The following ACTN1 variants were observed in gnomAD, a reference collection of about 807,000 sequenced individuals.
The protein encoded by ACTN1 is actinin alpha 1, also known as alpha-actinin-1.
In ACTN1, 30 loss-of-function variants were observed where a neutral mutation model predicts 119.6. The observed-to-expected ratio is 0.25, with a 90% CI of 0.19 to 0.34. ACTN1 has a LOEUF of 0.34. Ranked by LOEUF, ACTN1 falls within the 10% of genes least tolerant of loss-of-function variation. The probability of loss-of-function intolerance (pLI) is 1.00; values close to 1 mark genes in which losing one functional copy is unlikely to be tolerated. For missense variants in ACTN1, 764 were observed against 1,223.4 expected, an observed-to-expected ratio of 0.62 and a Z score of 5.60; for synonymous variants, 429 against 472.6, an observed-to-expected ratio of 0.91 and a Z score of 1.20.
chr14:68,884,577 G>A (rs943124460), intron 13 of ACTN1, among the ~76,000 whole-genome samples, 198 bp downstream of exon 13: 3 of 152,244 alleles, frequency 2.0e-5, no homozygotes, highest in African/African-American at 7.2e-5. Context: ...GACATGTGAG[G>A]GCAAGAGAGG....
intron 1 of ACTN1, among the ~76,000 whole-genome samples, chr14:68,953,275 T>G (rs1347977286): frequency 6.6e-6 from 1 of 152,202 alleles, no homozygotes; most frequent in Non-Finnish European, 1.5e-5. Context: ...GTTGTTTCCC[T>G]GTCCTGAAAG....
chr14:68,967,557 T>C (rs1014887063), intron 1 of ACTN1, among the ~76,000 whole-genome samples: 3 of 152,140 alleles, frequency 2.0e-5, no homozygotes, highest in African/African-American at 7.2e-5. Flanking sequence ...ATCCTCTAAA[T>C]GTCTTTAGAG....
At chr14:68,875,469 C>G (rs936062059) in intron 21 of ACTN1, among the ~76,000 whole-genome samples, 2 of 152,274 alleles carry the variant, frequency 1.3e-5, no homozygotes, top group African/African-American at 4.8e-5. Context: ...AGAACACCAT[C>G]CATGTTTGGG....
rs962006731 is a variant in ACTN1, at chr14:68,882,256, C to G, written c.1953+202G>C. On this transcript the variant is annotated intron_variant, in intron 16 of 21. Coordinates refer to ENST00000394419, the MANE Select transcript of ACTN1 (RefSeq NM_001130004.2). This position sits in a 1 kb window ranked among gnomAD's most constrained non-coding sequence, Gnocchi z 4.5. ...GCTTCTTAGTGGTGTCCTCATATGT[C>G]TTTGCTCCCAAATCAGATACTGCCA... 6.6e-6 allele frequency among the ~76,000 whole-genome samples: 1 copy of G among 152,152 alleles called. No homozygotes were observed. Among genetic ancestry groups the G allele is most frequent in the Non-Finnish European group, 1.5e-5 (1 of 68,032 alleles).
chr14:68,934,566 A>G (rs2035395405), intron 1 of ACTN1, among the ~76,000 whole-genome samples: 1 of 152,244 alleles, frequency 6.6e-6, no homozygotes, highest in Non-Finnish European at 1.5e-5. Context: ...GTGAACTAAG[A>G]TGGGCACCAG....
chr14:68,971,798 G>A (rs1175813951), intron 1 of ACTN1, among the ~76,000 whole-genome samples: 2 of 152,214 alleles, frequency 1.3e-5, no homozygotes, highest in Non-Finnish European at 2.9e-5. Context: ...GTAGCCTGCT[G>A]TAGCCAAGGA....
At position 68,893,798 on chromosome 14, in the gene ACTN1, C is replaced by T. The variant is rs112770014; in HGVS notation, c.763-51G>A. The T allele has an allele frequency of 2.2e-5, 34 of 1,566,738 alleles. No homozygotes were observed. In the African/African-American group the frequency reaches 2.7e-4, roughly 12 times the overall value. Reference sequence around the variant, plus strand: ...GACCAGCCAGCCCCAGCAGCAGGGGCACCTGGTACACACCTGTGCTGACAA... The same window carrying T: ...GACCAGCCAGCCCCAGCAGCAGGGGTACCTGGTACACACCTGTGCTGACAA... On this transcript the variant is annotated intron_variant, in intron 8 of 21. Coordinates refer to ENST00000394419, the MANE Select transcript of ACTN1 (RefSeq NM_001130004.2).
intron 1 of ACTN1, among the ~76,000 whole-genome samples, chr14:68,954,281 CT>C (rs1199888956): frequency 4.6e-5 from 7 of 152,024 alleles, no homozygotes; most frequent in Non-Finnish European, 1.0e-4. Context: ...TATGGAAGCA[CT>C]TTTTTCCCCC....
intron 1 of ACTN1, among the ~76,000 whole-genome samples, chr14:68,957,285 G>A (rs940520316): frequency 6.6e-6 from 1 of 152,176 alleles, no homozygotes; most frequent in Non-Finnish European, 1.5e-5. Context: ...CATCATTTAG[G>A]CATTCATCCC....
intron 3 of ACTN1, among the ~76,000 whole-genome samples, chr14:68,917,119 T>G (rs1312333974): frequency 6.6e-6 from 1 of 152,160 alleles, no homozygotes; most frequent in Non-Finnish European, 1.5e-5. Flanking sequence ...TTAACTACAT[T>G]CCAACCACTC....
At chr14:68,972,986 A>G (rs1385126645) in intron 1 of ACTN1, among the ~76,000 whole-genome samples, 1 of 152,228 alleles carries the variant, frequency 6.6e-6, no homozygotes, top group Non-Finnish European at 1.5e-5. Flanking sequence ...GTGCATGCGG[A>G]AGGGGCCAGT....
At chr14:68,957,235 G>A (rs564119009) in intron 1 of ACTN1, among the ~76,000 whole-genome samples, 71 of 152,330 alleles carry the variant, frequency 4.7e-4, no homozygotes, top group Non-Finnish European at 9.1e-4. Flanking sequence ...GAGTCTGTCT[G>A]AGAGTTCCAT....
At chr14:68,916,983 C>T (rs180949710) in intron 3 of ACTN1, among the ~76,000 whole-genome samples, 13 of 152,174 alleles carry the variant, frequency 8.5e-5, no homozygotes, top group African/African-American at 3.1e-4. Flanking sequence ...ACCCACCGCC[C>T]CCTCCATCCT....
rs144072130 is a variant in ACTN1 at position 68,921,326 on chromosome 14, C to A, written c.221-201G>T. ...GGAATGAGAGGGAGAATCTACCCTG[C>A]CTCTTCTTTCTTCTGCTTCTCAGGT... is the stretch of plus-strand genomic sequence containing the variant. On this transcript the variant is annotated intron_variant, in intron 2 of 21. Transcript: ENST00000394419. The A allele has an allele frequency of 1.7e-5, 9 of 533,734 alleles. No homozygotes were observed. The East Asian group carries it at 3.3e-4, about 20-fold the overall frequency. 33.1% of individuals were successfully genotyped at this position (533,734 alleles called of 1,614,324 possible).
In ACTN1 at chr14:68,896,091, G is replaced by C. The variant is rs150446155; in HGVS notation, c.763-2344C>G. On this transcript the variant is annotated intron_variant, in intron 8 of 21. Coordinates refer to ENST00000394419, the MANE Select transcript of ACTN1 (RefSeq NM_001130004.2). Reference sequence around the variant, plus strand: ...CACACAAGTACCACGGGAGACACAAGAGTGCTTTCTGTATGGCAGGCCAGG... The same window carrying C: ...CACACAAGTACCACGGGAGACACAACAGTGCTTTCTGTATGGCAGGCCAGG... 2.1e-3 allele frequency among the ~76,000 whole-genome samples: 313 copies of C among 152,316 alleles called. 1 individual carries two copies. Among genetic ancestry groups the C allele is most frequent in the Non-Finnish European group, 2.6e-3 (178 of 68,022 alleles).
At position 68,892,066 on chromosome 14, in the gene ACTN1, C is replaced by T; in HGVS notation, c.1073G>A (p.Gly358Asp). Residue 358 changes from glycine to aspartate, a missense_variant, in exon 10 of 22, where the codon GGC becomes GAC. Coordinates refer to ENST00000394419, the MANE Select transcript of ACTN1 (RefSeq NM_001130004.2). The part of the protein sequence containing the change: ...SNRPAFMPSE[G>D]RMVSDINNAW... ...CCCAGTGCTCACCGAGACCATCCTG[C>T]CCTCAGAGGGCATGAAGGCAGGCCG... 1 of 1,613,758 alleles carries T rather than the reference C, an allele frequency of 6.2e-7. No individual in the cohort carries two copies. Among genetic ancestry groups the T allele is most frequent in the Non-Finnish European group, 8.5e-7 (1 of 1,179,994 alleles).
chr14:68,945,490 C>T (rs1368658726), intron 1 of ACTN1, among the ~76,000 whole-genome samples: 11 of 152,184 alleles, frequency 7.2e-5, no homozygotes, highest in Non-Finnish European at 4.4e-5. Context: ...ATTCCACCTG[C>T]ATCTTAGAAA....
At chr14:68,948,096 G>A (rs1340815380) in intron 1 of ACTN1, among the ~76,000 whole-genome samples, 1 of 152,218 alleles carries the variant, frequency 6.6e-6, no homozygotes, top group Non-Finnish European at 1.5e-5. Flanking sequence ...TCTCCCAGGG[G>A]AGTAGGGCTT....
chr14:68,879,306 C>T lies in ACTN1; in HGVS notation c.2281-237G>A, dbSNP rs1291575326. On this transcript the variant is annotated intron_variant, in intron 18 of 21. Coordinates refer to ENST00000394419, the MANE Select transcript of ACTN1 (RefSeq NM_001130004.2). The surrounding 1 kb of genome is among the most constrained non-coding windows in gnomAD (Gnocchi z 4.9). ...CGCAGCCCTGCTCCAGGGAGCAGGA[C>T]CACAGTGGGGTGTGATGAGCCACAA... Among the ~76,000 whole-genome samples, 1 of 151,972 alleles carries T rather than the reference C, an allele frequency of 6.6e-6. No homozygotes were observed. The highest frequency in any genetic ancestry group is 1.5e-5 in the Non-Finnish European group (1 of 67,956).
Sources: allele counts gnomAD v4.1 joint callset (sites outside exome capture counted in the v4.1 genomes callset), GRCh38; gene constraint gnomAD v4.1.1; non-coding constraint Gnocchi (gnomAD v3.1); transcripts MANE v1.5; gene names NCBI Gene and HGNC (gene_info 2026-07-23, HGNC 2026-07-21).